Variants in SUCLG2 observed in about 807,000 individuals in gnomAD.
SUCLG2 encodes the protein succinate-CoA ligase GDP-forming subunit beta.
A neutral mutation model predicts 47.9 loss-of-function variants in SUCLG2; 42 were observed. The observed-to-expected ratio is 0.88, with a 90% CI of 0.69 to 1.14. The LOEUF (loss-of-function observed/expected upper bound fraction) is 1.14, where lower values mean the gene tolerates loss of function less well. Ranked by LOEUF, SUCLG2 falls within the 50% of genes most tolerant of loss-of-function variation. The probability of loss-of-function intolerance (pLI) is 0.00; values close to 1 mark genes in which losing one functional copy is unlikely to be tolerated. For synonymous variants in SUCLG2, 195 were observed against 197.3 expected (o/e 0.99, Z 0.10); for missense variants, 571 against 525.9 (o/e 1.09, Z -0.84).
intron 1 of SUCLG2, among the ~76,000 whole-genome samples, chr3:67,627,068 CA>C (rs1469792506): frequency 4.0e-5 from 6 of 151,696 alleles, no homozygotes; most frequent in African/African-American, 1.2e-4. Flanking sequence ...AACCAGAAGA[CA>C]AATCAGTGAG....
chr3:67,630,232 T>C (rs1418446469), intron 1 of SUCLG2, among the ~76,000 whole-genome samples: 1 of 152,166 alleles, frequency 6.6e-6, no homozygotes, highest in Non-Finnish European at 1.5e-5. Context: ...CAAATTCTAA[T>C]TGCATTATGT....
At chr3:67,546,594 G>A (rs1706867989) in intron 2 of SUCLG2, among the ~76,000 whole-genome samples, 1 of 152,180 alleles carries the variant, frequency 6.6e-6, no homozygotes, top group African/African-American at 2.4e-5. Flanking sequence ...AATTAGCCGG[G>A]CGTGGTAGCA....
At chr3:67,645,714 A>G (rs1701178147) in intron 1 of SUCLG2, among the ~76,000 whole-genome samples, 1 of 151,992 alleles carries the variant, frequency 6.6e-6, no homozygotes, top group Non-Finnish European at 1.5e-5. Context: ...AAAATAATTC[A>G]TAACTCTCCA....
intron 9 of SUCLG2, among the ~76,000 whole-genome samples, chr3:67,434,883 C>T (rs552770915): frequency 2.0e-5 from 3 of 152,322 alleles, no homozygotes; most frequent in Non-Finnish European, 4.4e-5. Context: ...CAATCTGATA[C>T]ATTGTACCAG....
intron 2 of SUCLG2, among the ~76,000 whole-genome samples, chr3:67,588,803 T>A (rs1298352433): frequency 6.6e-6 from 1 of 152,216 alleles, no homozygotes; most frequent in Non-Finnish European, 1.5e-5. Context: ...CTCTAAGAGA[T>A]GGGGTATGTA....
At chr3:67,539,923 T>C (rs1376905557) in intron 2 of SUCLG2, among the ~76,000 whole-genome samples, 1 of 152,116 alleles carries the variant, frequency 6.6e-6, no homozygotes, top group Non-Finnish European at 1.5e-5. Flanking sequence ...TATCATTTTT[T>C]ATTGTGTCTA....
chr3:67,380,165 AT>A (rs35629133), intron 10 of SUCLG2, among the ~76,000 whole-genome samples: 65,874 of 141,430 alleles, frequency 0.47, 14,768 homozygotes, highest in Middle Eastern at 0.51. Flanking sequence ...ATCAGGAGGG[AT>A]TTTTTTTTTT....
At chr3:67,481,663 A>T (rs1704920071) in intron 9 of SUCLG2, among the ~76,000 whole-genome samples, 1 of 152,196 alleles carries the variant, frequency 6.6e-6, no homozygotes, top group Non-Finnish European at 1.5e-5. Context: ...ATGTGACCTT[A>T]AGTATAATAT....
downstream of SUCLG2, chr3:67,374,599 T>C (rs4615095): frequency 0.53 from 129,919 of 244,954 alleles, 34,878 homozygotes; most frequent in Middle Eastern, 0.62. Flanking sequence ...GGAATAATCC[T>C]GGAATGACCC....
chr3:67,652,918 T>C (rs561146409), intron 1 of SUCLG2, among the ~76,000 whole-genome samples: 43 of 152,342 alleles, frequency 2.8e-4, no homozygotes, highest in African/African-American at 1.0e-3. Flanking sequence ...TACTTTTACC[T>C]TCTAAGAATT....
intron 9 of SUCLG2, among the ~76,000 whole-genome samples, chr3:67,425,723 A>C (rs1357495594): frequency 1.3e-5 from 2 of 152,186 alleles, no homozygotes; most frequent in African/African-American, 4.8e-5. Flanking sequence ...AGATTGTGGG[A>C]TTCCTTGGCC....
chr3:67,551,255 T>G (rs1252087652), intron 2 of SUCLG2, among the ~76,000 whole-genome samples: 1 of 152,246 alleles, frequency 6.6e-6, no homozygotes, highest in Non-Finnish European at 1.5e-5. Flanking sequence ...CACCTTCTGA[T>G]GGACTAATGC....
chr3:67,625,795 T>G (rs993363199), intron 1 of SUCLG2, among the ~76,000 whole-genome samples: 2 of 152,028 alleles, frequency 1.3e-5, no homozygotes, highest in Non-Finnish European at 2.9e-5. Context: ...TAAGATCTAG[T>G]GCTAAGCACA....
intron 5 of SUCLG2, among the ~76,000 whole-genome samples, chr3:67,519,694 G>A (rs930126431): frequency 3.3e-5 from 5 of 152,096 alleles, no homozygotes; most frequent in African/African-American, 9.7e-5. Flanking sequence ...GAATGTTTCT[G>A]GTGGAAAATT....
chr3:67,650,108 T>C (rs1701259924), intron 1 of SUCLG2, among the ~76,000 whole-genome samples: 1 of 152,170 alleles, frequency 6.6e-6, no homozygotes, highest in Non-Finnish European at 1.5e-5. Context: ...GATTCCCTTT[T>C]CTAAAAGCAG....
intron 10 of SUCLG2, among the ~76,000 whole-genome samples, chr3:67,392,841 G>A (rs1575665220): frequency 6.6e-6 from 1 of 151,954 alleles, no homozygotes; most frequent in African/African-American, 2.4e-5. Context: ...TTGAGATGGG[G>A]TCTTGCTAAG....
At chr3:67,414,796 T>A (rs1309505743) in intron 9 of SUCLG2, among the ~76,000 whole-genome samples, 1 of 152,312 alleles carries the variant, frequency 6.6e-6, no homozygotes, top group East Asian at 1.9e-4. Context: ...TTCCTGATAC[T>A]ATCACTACCC....
chr3:67,639,149 C>A (rs1243385031), intron 1 of SUCLG2, among the ~76,000 whole-genome samples: 1 of 152,036 alleles, frequency 6.6e-6, no homozygotes, highest in Non-Finnish European at 1.5e-5. Context: ...AGGCTTTCTT[C>A]TGTGTAATTT....
intron 2 of SUCLG2, among the ~76,000 whole-genome samples, chr3:67,583,880 T>G (rs550296115): frequency 2.9e-4 from 44 of 152,336 alleles, no homozygotes; most frequent in East Asian, 7.7e-4. Flanking sequence ...TTTTAAGGGC[T>G]TATGTGATCA....
Sources: gnomAD v4.1 joint callset for allele counts (sites outside exome capture counted in the v4.1 genomes callset) on GRCh38, gnomAD v4.1.1 for gene constraint, MANE v1.5 for transcripts, NCBI Gene and HGNC (gene_info 2026-07-23, HGNC 2026-07-21) for gene names.